The following GCNT2 variants were observed in gnomAD, a reference collection of about 807,000 sequenced individuals.
GCNT2 encodes the protein N-acetyllactosaminide beta-1,6-N-acetylglucosaminyl-transferase.
In GCNT2, 34 loss-of-function variants were observed where a neutral mutation model predicts 34.2. The observed-to-expected ratio is 1.00, with a 90% confidence interval of 0.76 to 1.32. The LOEUF (loss-of-function observed/expected upper bound fraction) is 1.32. Ranked by LOEUF, GCNT2 falls within the 40% of genes most tolerant of loss-of-function variation. The probability of loss-of-function intolerance (pLI) is 0.00; values close to 1 mark genes in which losing one functional copy is unlikely to be tolerated. For missense variants in GCNT2, 584 were observed against 489.4 expected, an observed-to-expected ratio of 1.19 and a Z score of -1.82; for synonymous variants, 212 against 188.0, an observed-to-expected ratio of 1.13 and a Z score of -1.04.
chr6:10,521,410 TGA>T lies in GCNT2; in HGVS notation c.-470_-469del, dbSNP rs1381313088. The T allele has an allele frequency of 1.3e-5, 2 of 153,066 alleles. No individual in the cohort carries two copies. Among genetic ancestry groups the T allele is most frequent in the Admixed American group, 6.5e-5 (1 of 15,270 alleles). The allele number at this position is 153,066 out of a possible 1,614,324, so 9.5% of individuals were successfully genotyped here. On this transcript the variant is annotated 5_prime_UTR_variant, in exon 1 of 5. Transcript: ENST00000495262. ...TGGGCAATCTTACCCTCCTGGGAAC[TGA>T]GAGAGGTAGGTGGAGGTCAGCGTGC...
At chr6:10,535,530 G>A (rs1175036335) in intron 3 of GCNT2, among the ~76,000 whole-genome samples, 1 of 152,210 alleles carries the variant, frequency 6.6e-6, no homozygotes, top group East Asian at 1.9e-4. Context: ...CTTTCCTCCT[G>A]AGTTATTATT....
chr6:10,608,066 G>A (rs1000667819), intron 3 of GCNT2, among the ~76,000 whole-genome samples: 2 of 148,020 alleles, frequency 1.4e-5, no homozygotes, highest in African/African-American at 5.0e-5. Flanking sequence ...GAGTCAAATG[G>A]TATGCACTTT....
chr6:10,586,713 T>C (rs367919657), intron 3 of GCNT2: 3 of 1,613,852 alleles, frequency 1.9e-6, no homozygotes, highest in African/African-American at 1.3e-5. Context: ...TAAAGGTGGC[T>C]TTTTTGTGAA....
chr6:10,572,060 G>A (rs986777265), intron 3 of GCNT2, among the ~76,000 whole-genome samples: 2 of 152,102 alleles, frequency 1.3e-5, no homozygotes, highest in Non-Finnish European at 2.9e-5. Context: ...GTCTGCCAAA[G>A]CTTCTCTAGC....
intron 1 of GCNT2, among the ~76,000 whole-genome samples, chr6:10,521,968 C>T (rs1443896349): frequency 2.0e-5 from 3 of 151,566 alleles, no homozygotes; most frequent in African/African-American, 4.9e-5. Flanking sequence ...GGTGCGATCT[C>T]AGCTTACTGC....
At chr6:10,593,485 G>GCC in intron 3 of GCNT2, among the ~76,000 whole-genome samples, 1 of 152,084 alleles carries the variant, frequency 6.6e-6, no homozygotes, top group Non-Finnish European at 1.5e-5. Context: ...CTACAGGTAT[G>GCC]CACCACTACA....
intron 3 of GCNT2, among the ~76,000 whole-genome samples, chr6:10,563,898 C>T (rs1047704453): frequency 7.4e-5 from 11 of 148,334 alleles, no homozygotes; most frequent in East Asian, 4.0e-4. Context: ...ACATGTTATC[C>T]GCTTATTTTA....
intron 3 of GCNT2, chr6:10,555,705 ACTCCT>A: frequency 1.0e-6 from 1 of 984,818 alleles, no homozygotes. Flanking sequence ...TGGGACAGGA[ACTCCT>A]CCTCCAGTAA....
chr6:10,594,657 A>G (rs1238127908), intron 3 of GCNT2, among the ~76,000 whole-genome samples: 1 of 152,200 alleles, frequency 6.6e-6, no homozygotes, highest in Non-Finnish European at 1.5e-5. Flanking sequence ...TTTATTAAGA[A>G]AAACCTACAT....
intron 3 of GCNT2, among the ~76,000 whole-genome samples, chr6:10,553,835 A>G (rs1762582631): frequency 6.6e-6 from 1 of 152,244 alleles, no homozygotes; most frequent in Non-Finnish European, 1.5e-5. Context: ...TCAAGGCCGC[A>G]GTGAGACATG....
At chr6:10,544,174 C>T (rs757067414) in intron 3 of GCNT2, among the ~76,000 whole-genome samples, 4 of 152,012 alleles carry the variant, frequency 2.6e-5, no homozygotes, top group East Asian at 1.9e-4. Context: ...ATTAGCCGGG[C>T]GTGGTGGTGT....
intron 3 of GCNT2, among the ~76,000 whole-genome samples, chr6:10,539,619 A>G (rs1171566515): frequency 6.8e-6 from 1 of 147,870 alleles, no homozygotes; most frequent in Non-Finnish European, 1.5e-5. Context: ...TACCTGGCAC[A>G]TCATAGAAAC....
intron 3 of GCNT2, among the ~76,000 whole-genome samples, chr6:10,583,789 G>A (rs563784922): frequency 1.4e-4 from 21 of 152,312 alleles, no homozygotes; most frequent in African/African-American, 5.1e-4. Flanking sequence ...AAGAGAGCCA[G>A]TAGGTAGTCA....
In GCNT2 at chr6:10,529,356, A is replaced by G. The variant is rs150187344; in HGVS notation, c.445A>G (p.Asn149Asp). 4.5e-5 allele frequency: 72 copies of G among 1,613,934 alleles called. No homozygotes were observed. Among genetic ancestry groups the G allele is most frequent in the Non-Finnish European group, 5.8e-5 (69 of 1,180,024 alleles). The change falls in exon 3 of 5, where the codon AAT becomes GAT. Residue 149 changes from asparagine to aspartate, a missense_variant. By Grantham distance (23) the Asn-to-Asp change is conservative. Coordinates refer to ENST00000495262, the MANE Select transcript of GCNT2 (RefSeq NM_145649.5). The part of the protein sequence containing the change: ...AVKQLLSCFP[N>D]AFLASKKESV... ...GAAACAGTTACTCAGCTGCTTCCCA[A>G]ATGCTTTTCTGGCTTCCAAGAAGGA...
intron 3 of GCNT2, among the ~76,000 whole-genome samples, chr6:10,599,111 G>T (rs771027129): frequency 2.0e-5 from 3 of 152,158 alleles, no homozygotes; most frequent in Non-Finnish European, 2.9e-5. Context: ...CTGAAACTCA[G>T]ACAAAAGCAG....
At chr6:10,596,484 G>A (rs1581463275) in intron 3 of GCNT2, among the ~76,000 whole-genome samples, 1 of 151,770 alleles carries the variant, frequency 6.6e-6, no homozygotes, top group South Asian at 2.1e-4. Context: ...TTGCGCCACT[G>A]CACTCCAGGC....
chr6:10,621,238 C>T (rs1045545649), intron 3 of GCNT2, 113 bp from the exon 4 acceptor site: 7 of 738,208 alleles, frequency 9.5e-6, no homozygotes, highest in Admixed American at 4.0e-5. Context: ...GTGTGAAATG[C>T]GAAAGGTAAT....
intron 3 of GCNT2, among the ~76,000 whole-genome samples, chr6:10,569,235 C>CCACACACA (rs373362957): frequency 0.013 from 634 of 47,502 alleles, 35 homozygotes; most frequent in Non-Finnish European, 0.023. Context: ...ACTCCCCCCG[C>CCACACACA]CACACACACA....
intron 3 of GCNT2, chr6:10,557,449 T>C (rs1762773670): frequency 2.3e-6 from 2 of 872,860 alleles, no homozygotes; most frequent in Non-Finnish European, 1.9e-6. Context: ...AACTGGAACA[T>C]ATATAGTTCT....
Sources: gnomAD v4.1 joint callset for allele counts (sites outside exome capture counted in the v4.1 genomes callset) on GRCh38, gnomAD v4.1.1 for gene constraint, MANE v1.5 for transcripts, NCBI Gene and HGNC (gene_info 2026-07-23, HGNC 2026-07-21) for gene names.